The following SLIT3 variants were observed in gnomAD, a reference collection of about 807,000 sequenced individuals.
The protein encoded by SLIT3 is slit homolog 3 protein.
Under a neutral mutation model 184.0 loss-of-function variants are expected in SLIT3, and 68 were observed. That is an observed-to-expected ratio of 0.37 (90% CI 0.30 to 0.45). SLIT3 has a LOEUF of 0.45. Among genes scored for constraint, SLIT3 ranks in the 20% least tolerant of loss-of-function variants. The probability of loss-of-function intolerance (pLI) is 1.00; values close to 1 mark genes in which losing one functional copy is unlikely to be tolerated. For synonymous variants in SLIT3, 831 were observed against 828.6 expected, an observed-to-expected ratio of 1.00 and a Z score of -0.05; for missense variants, 1,707 against 2,026.0, an observed-to-expected ratio of 0.84 and a Z score of 3.02.
intron 1 of SLIT3, chr5:169,263,685 A>G (rs1190727406): frequency 1.9e-6 from 1 of 513,276 alleles, no homozygotes. Flanking sequence ...GCCATAGCAC[A>G]GACACCCCAC....
chr5:169,091,691 G>A (rs948938514), intron 4 of SLIT3, among the ~76,000 whole-genome samples: 7 of 152,202 alleles, frequency 4.6e-5, no homozygotes, highest in African/African-American at 7.2e-5. Context: ...GATGGGGCTC[G>A]TGGTTTCCTC....
At chr5:168,843,377 C>T (rs946188262) in intron 6 of SLIT3, among the ~76,000 whole-genome samples, 1 of 152,164 alleles carries the variant, frequency 6.6e-6, no homozygotes, top group Admixed American at 6.5e-5. Context: ...ATTTGGCATT[C>T]ATTGATTCTT....
intron 27 of SLIT3, among the ~76,000 whole-genome samples, chr5:168,698,555 G>C (rs1370104412): frequency 6.6e-6 from 1 of 152,160 alleles, no homozygotes; most frequent in Non-Finnish European, 1.5e-5. Context: ...CTGACACCTT[G>C]ATTTGGAACT....
chr5:168,999,184 G>T (rs1755617299), intron 4 of SLIT3, among the ~76,000 whole-genome samples: 1 of 151,772 alleles, frequency 6.6e-6, no homozygotes, highest in Non-Finnish European at 1.5e-5. Context: ...CCAAAGCGCT[G>T]GGATTACAGG....
intron 4 of SLIT3, among the ~76,000 whole-genome samples, chr5:169,175,784 C>T (rs1030388330): frequency 3.9e-5 from 6 of 152,202 alleles, no homozygotes; most frequent in African/African-American, 1.4e-4. Flanking sequence ...CTTTCCTTCG[C>T]CTGTTTCTGA....
intron 1 of SLIT3, among the ~76,000 whole-genome samples, chr5:169,294,774 G>C (rs1767452382): frequency 6.6e-6 from 1 of 152,178 alleles, no homozygotes; most frequent in Non-Finnish European, 1.5e-5. Flanking sequence ...AGATGGTCTA[G>C]CCTACTATAC....
At position 168,857,002 on chromosome 5, in the gene SLIT3, TG is replaced by T. The variant is rs889167685; in HGVS notation, c.486-12348del. ...GGATGGTGGGGGGGCCTGGTGAAAA[TG>T]GTGAGTAGTTTTCCTTCATGCTGTC... On this transcript the variant is annotated intron_variant, in intron 5 of 35. Transcript: ENST00000519560. Among the ~76,000 whole-genome samples, 29 of 151,534 alleles carry T rather than the reference TG, an allele frequency of 1.9e-4. No homozygotes were observed. The East Asian group carries it at 5.7e-3, about 30-fold the overall frequency.
Position 168,838,405 on chromosome 5 carries a change from TAGA to T in SLIT3, c.557+6176_557+6178del, listed in dbSNP as rs201356525. ...CACAGTACCTAAAGATGCTCAAAAA[TAGA>T]AGTAGACTCTCAAAAATAGTAGATG... On this transcript the variant is annotated intron_variant, in intron 6 of 35. Coordinates refer to ENST00000519560, the MANE Select transcript of SLIT3 (RefSeq NM_003062.4). Among the ~76,000 whole-genome samples the T allele has an allele frequency of 5.5e-3, 834 of 152,328 alleles. 6 individuals are homozygous for T. The highest frequency in any genetic ancestry group is 0.019 in the African/African-American group (795 of 41,572).
intron 4 of SLIT3, among the ~76,000 whole-genome samples, chr5:169,091,019 G>C (rs1309987098): frequency 6.6e-6 from 1 of 152,184 alleles, no homozygotes; most frequent in African/African-American, 2.4e-5. Flanking sequence ...TTATTGCATT[G>C]TCTTATCTGT....
chr5:169,043,771 G>A (rs1757528798), intron 4 of SLIT3, among the ~76,000 whole-genome samples: 2 of 152,186 alleles, frequency 1.3e-5, no homozygotes, highest in African/African-American at 2.4e-5. Flanking sequence ...AGTTGTCTGG[G>A]CAAGAAGAGT....
chr5:168,757,043 G>A (rs115987049), intron 16 of SLIT3, among the ~76,000 whole-genome samples: 132 of 152,328 alleles, frequency 8.7e-4, no homozygotes, highest in African/African-American at 3.0e-3. Context: ...AGCACTGCTC[G>A]CAACTACAGG....
At chr5:169,247,346 CT>C in intron 2 of SLIT3, among the ~76,000 whole-genome samples, 1 of 152,266 alleles carries the variant, frequency 6.6e-6, no homozygotes, top group African/African-American at 2.4e-5. Context: ...TTCAACACTA[CT>C]GACTGGAGGT....
At chr5:168,733,927 C>T (rs897465718) in intron 20 of SLIT3, among the ~76,000 whole-genome samples, 1 of 151,994 alleles carries the variant, frequency 6.6e-6, no homozygotes, top group Admixed American at 6.6e-5. Context: ...AGTGAAATGA[C>T]TCAGAAACAG....
At chr5:169,064,655 T>C (rs1561640167) in intron 4 of SLIT3, among the ~76,000 whole-genome samples, 1 of 152,234 alleles carries the variant, frequency 6.6e-6, no homozygotes, top group Non-Finnish European at 1.5e-5. Context: ...TCCCGTGCCA[T>C]AAGTCTCTTG....
intron 24 of SLIT3, 118 bp downstream of exon 24, chr5:168,712,165 T>C: frequency 2.4e-6 from 2 of 836,146 alleles, no homozygotes; most frequent in Non-Finnish European, 2.1e-6. Flanking sequence ...AGTTGTATAA[T>C]ATACTGTATG....
chr5:168,866,955 T>A (rs1759325796), intron 5 of SLIT3, among the ~76,000 whole-genome samples: 1 of 152,152 alleles, frequency 6.6e-6, no homozygotes, highest in Non-Finnish European at 1.5e-5. Flanking sequence ...TCAGGACTAG[T>A]GGGGAGACTA....
At chr5:168,907,971 T>TGTAG (rs1761127812) in intron 4 of SLIT3, among the ~76,000 whole-genome samples, 1 of 71,120 alleles carries the variant, frequency 1.4e-5, no homozygotes, top group Non-Finnish European at 2.7e-5. Flanking sequence ...TATATATATA[T>TGTAG]ATATATATAG....
intron 4 of SLIT3, among the ~76,000 whole-genome samples, chr5:169,085,661 C>T (rs968775572): frequency 6.6e-6 from 1 of 152,190 alleles, no homozygotes; most frequent in Non-Finnish European, 1.5e-5. Context: ...AATACCCAAA[C>T]CCAACACAGC....
intron 4 of SLIT3, among the ~76,000 whole-genome samples, chr5:169,192,435 G>GTGTA (rs1163328958): frequency 5.7e-4 from 86 of 151,924 alleles, no homozygotes; most frequent in African/African-American, 2.0e-3. Flanking sequence ...GTGTGTGTGT[G>GTGTA]TGTGTGTGTG....
Sources: gnomAD v4.1 joint callset for allele counts (sites outside exome capture counted in the v4.1 genomes callset) on GRCh38, gnomAD v4.1.1 for gene constraint, MANE v1.5 for transcripts, NCBI Gene and HGNC (gene_info 2026-07-23, HGNC 2026-07-21) for gene names.